The following ENO4 variants were observed in gnomAD, a reference collection of about 807,000 sequenced individuals.
ENO4 encodes the protein enolase 4, also known as 2-phospho-D-glycerate hydro-lyase.
A neutral mutation model predicts 63.2 loss-of-function variants in ENO4; 53 were observed. The ratio of observed to expected loss-of-function variants is 0.84; its 90% CI spans 0.67 to 1.05. The LOEUF is 1.05. Among genes scored for constraint, ENO4 ranks in the 50% least tolerant of loss-of-function variants. ENO4 has a pLI of 0.00. For synonymous variants in ENO4, 266 were observed against 283.8 expected (o/e 0.94, Z 0.63); for missense variants, 719 against 772.0 (o/e 0.93, Z 0.81).
chr10:116,851,739 G>A (rs1846093891), intron 1 of ENO4, among the ~76,000 whole-genome samples: 1 of 151,842 alleles, frequency 6.6e-6, no homozygotes, highest in Non-Finnish European at 1.5e-5. Flanking sequence ...CTGGTAACAG[G>A]CGCATCTCCC....
intron 13 of ENO4, among the ~76,000 whole-genome samples, chr10:116,880,457 TAAATCTGCA>T (rs1390173806): frequency 1.3e-5 from 2 of 152,220 alleles, no homozygotes; most frequent in Non-Finnish European, 2.9e-5. Flanking sequence ...TGAACCTTTG[TAAATCTGCA>T]TGGTTAGAAG....
At chr10:116,849,787 G>C (rs1449717255) in intron 1 of ENO4, 56 bp downstream of exon 1, 1 of 1,458,094 alleles carries the variant, frequency 6.9e-7, no homozygotes, top group African/African-American at 1.4e-5. Context: ...CCCGCCCCGC[G>C]CTGCGGCAAC....
At chr10:116,909,241 C>A (rs1358906489) in intron 10 of ENO4, among the ~76,000 whole-genome samples, 6 of 152,120 alleles carry the variant, frequency 3.9e-5, no homozygotes. Context: ...CTACTTCAAA[C>A]CACTGTGGTC....
At chr10:116,876,950 AAATTAATTAATTAATT>A (rs59679890) in intron 11 of ENO4, among the ~76,000 whole-genome samples, 1 of 151,566 alleles carries the variant, frequency 6.6e-6, no homozygotes, top group Non-Finnish European at 1.5e-5. Context: ...CTCCGTCTCA[AAATTAATTAATTAATT>A]AATTAATTAA....
chr10:116,888,450 T>C (rs1847230184), intron 10 of ENO4, among the ~76,000 whole-genome samples: 1 of 152,206 alleles, frequency 6.6e-6, no homozygotes, highest in African/African-American at 2.4e-5. Flanking sequence ...AATCTGCTGC[T>C]TCTGCGTCTG....
chr10:116,879,068 C>T (rs1459477704), intron 11 of ENO4, among the ~76,000 whole-genome samples: 1 of 152,060 alleles, frequency 6.6e-6, no homozygotes, highest in Non-Finnish European at 1.5e-5. Context: ...TTTAATGAAA[C>T]ACAGTATTCA....
At chr10:116,855,098 T>G (rs544803007) in intron 1 of ENO4, among the ~76,000 whole-genome samples, 1 of 151,772 alleles carries the variant, frequency 6.6e-6, no homozygotes, top group Non-Finnish European at 1.5e-5. Flanking sequence ...ATTGAGACTA[T>G]CCTGGCCAAC....
intron 8 of ENO4, among the ~76,000 whole-genome samples, chr10:116,870,270 A>G (rs987150783): frequency 1.3e-5 from 2 of 152,200 alleles, no homozygotes; most frequent in Non-Finnish European, 2.9e-5. Context: ...GGGCACATCA[A>G]GGCTGACTTT....
intron 10 of ENO4, among the ~76,000 whole-genome samples, chr10:116,875,462 C>T (rs1846803137): frequency 6.6e-6 from 1 of 152,168 alleles, no homozygotes; most frequent in South Asian, 2.1e-4. Context: ...CTTCCTACCT[C>T]ACCCTCTCAA....
At chr10:116,864,660 G>C (rs997416537) in intron 7 of ENO4, among the ~76,000 whole-genome samples, 3 of 152,104 alleles carry the variant, frequency 2.0e-5, no homozygotes, top group Non-Finnish European at 4.4e-5. Flanking sequence ...CCTCAGCACA[G>C]TCCCTTCTCT....
intron 7 of ENO4, among the ~76,000 whole-genome samples, chr10:116,866,601 G>A (rs1344460382): frequency 1.3e-5 from 2 of 152,086 alleles, no homozygotes; most frequent in Admixed American, 1.3e-4. Flanking sequence ...GAGGTGGAGA[G>A]GCCAGGAGTT....
intron 4 of ENO4, 43 bp downstream of exon 4, chr10:116,859,181 T>C: frequency 1.4e-6 from 2 of 1,480,140 alleles, no homozygotes; most frequent in Non-Finnish European, 1.8e-6. Context: ...GTAACAAATG[T>C]GTGAGGAAGA....
chr10:116,906,139 A>T (rs1847962473), intron 10 of ENO4, among the ~76,000 whole-genome samples: 1 of 152,286 alleles, frequency 6.6e-6, no homozygotes, highest in Non-Finnish European at 1.5e-5. Context: ...GCACATTGCT[A>T]AGCATTTTTC....
At chr10:116,851,551 T>C (rs1238125128) in intron 1 of ENO4, among the ~76,000 whole-genome samples, 2 of 152,206 alleles carry the variant, frequency 1.3e-5, no homozygotes, top group Non-Finnish European at 2.9e-5. Context: ...CTGCCCTAGT[T>C]TTGGCCGTGC....
rs1369908522 is a variant in ENO4 at position 116,861,375 on chromosome 10, A to G, written c.936+185A>G. On this transcript the variant is annotated intron_variant, in intron 6 of 13. Transcript: ENST00000341276. Reference sequence around the variant, plus strand: ...AACCAAAGGGAGCACATGCAGAGCAACTTAGATGTCTGGTTTCATTACAGC... The same window carrying G: ...AACCAAAGGGAGCACATGCAGAGCAGCTTAGATGTCTGGTTTCATTACAGC... Among the ~76,000 whole-genome samples, 18 of 152,176 alleles carry G rather than the reference A, an allele frequency of 1.2e-4. 1 individual carries two copies. The highest frequency in any genetic ancestry group is 3.9e-4 in the Admixed American group (6 of 15,272).
downstream of ENO4, among the ~76,000 whole-genome samples, chr10:116,912,092 T>C (rs1848222087): frequency 6.6e-6 from 1 of 152,236 alleles, no homozygotes. Flanking sequence ...CTCTTCTAAA[T>C]ACCATATTGT....
chr10:116,883,508 G>A (rs1847081498), downstream of ENO4: 1 of 152,192 alleles, frequency 6.6e-6, no homozygotes, highest in South Asian at 2.1e-4. Flanking sequence ...TGGTATATAA[G>A]CTAATGTTGT....
chr10:116,905,208 C>CA (rs772309175), intron 10 of ENO4, among the ~76,000 whole-genome samples: 8,568 of 62,622 alleles, frequency 0.14, 606 homozygotes, highest in East Asian at 0.26. Flanking sequence ...GACTCCGTCT[C>CA]AAAAAAAAAA....
At chr10:116,875,638 G>A (rs1325624114) in intron 10 of ENO4, among the ~76,000 whole-genome samples, 1 of 151,444 alleles carries the variant, frequency 6.6e-6, no homozygotes, top group Non-Finnish European at 1.5e-5. Context: ...TCATATGATA[G>A]TCTCACCAAC....
Sources: allele counts gnomAD v4.1 joint callset (sites outside exome capture counted in the v4.1 genomes callset), GRCh38; gene constraint gnomAD v4.1.1; transcripts MANE v1.5; gene names NCBI Gene and HGNC (gene_info 2026-07-23, HGNC 2026-07-21).